Variants in THOC2 observed in about 807,000 individuals in gnomAD.
The protein encoded by THOC2 is THO complex subunit 2.
A neutral mutation model predicts 128.4 loss-of-function variants in THOC2; 10 were observed. The observed-to-expected ratio is 0.08, with a 90% CI of 0.05 to 0.13. The LOEUF (loss-of-function observed/expected upper bound fraction) is 0.13, where lower values mean the gene tolerates loss of function less well. Among genes scored for constraint, THOC2 ranks in the 10% least tolerant of loss-of-function variants. The pLI is 1.00. For synonymous variants in THOC2, 393 were observed against 396.9 expected, an observed-to-expected ratio of 0.99 and a Z score of 0.12; for missense variants, 535 against 1,155.7, an observed-to-expected ratio of 0.46 and a Z score of 7.79.
At chrX:123,732,518 G>C (rs1425814997) in intron 1 of THOC2, among the ~76,000 whole-genome samples, 1 of 112,222 alleles carries the variant, frequency 8.9e-6, no homozygotes, top group African/African-American at 3.2e-5. Flanking sequence ...GAGGCGCCAA[G>C]CTCCAAACTG....
rs984272905 is a variant in THOC2, at chrX:123,692,494, C to CTTTTTT, written c.601+3521_601+3526dup. On this transcript the variant is annotated intron_variant, in intron 7 of 38. Coordinates refer to ENST00000245838, the MANE Select transcript of THOC2 (RefSeq NM_001081550.2). ...GAATCTTTTAGGAGCAAATAACTGCCTTTTTTTTTTTTTTTTTTTTTTTTT... is the reference window on the plus strand; with the variant it reads ...GAATCTTTTAGGAGCAAATAACTGCCTTTTTTTTTTTTTTTTTTTTTTTTTTTTTTT... Among the ~76,000 whole-genome samples, 11 of 56,909 alleles carry CTTTTTT rather than the reference C, an allele frequency of 1.9e-4. 1 individual carries two copies. The highest frequency in any genetic ancestry group is 3.0e-4 in the Non-Finnish European group (10 of 33,617). 49.4% of individuals were successfully genotyped at this position (56,909 alleles called of 115,157 possible).
chrX:123,702,768 A>G (rs1388136342), intron 4 of THOC2, among the ~76,000 whole-genome samples: 1 of 108,590 alleles, frequency 9.2e-6, no homozygotes, highest in Non-Finnish European at 1.9e-5. Context: ...GTCTCAAAAA[A>G]GAGAAGAAAA....
At chrX:123,718,012 C>T (rs1452213069) in intron 1 of THOC2, among the ~76,000 whole-genome samples, 1 of 112,517 alleles carries the variant, frequency 8.9e-6, no homozygotes, top group Non-Finnish European at 1.9e-5. Context: ...TGCAGCCAAC[C>T]CACTAAATAT....
intron 12 of THOC2, among the ~76,000 whole-genome samples, chrX:123,658,257 AGAAT>A (rs953720367): frequency 2.7e-5 from 3 of 111,850 alleles, no homozygotes; most frequent in Non-Finnish European, 5.6e-5. Flanking sequence ...AAACTAAAAA[AGAAT>A]AAGAAAAATG....
At chrX:123,704,968 G>A (rs1354397410) in intron 3 of THOC2, among the ~76,000 whole-genome samples, 1 of 112,241 alleles carries the variant, frequency 8.9e-6, no homozygotes, top group East Asian at 2.8e-4. Flanking sequence ...CTCAATTTTA[G>A]GGCTATTTTC....
Position 123,654,313 on chromosome X carries a change from G to A in THOC2, c.1387-8938C>T, listed in dbSNP as rs763994673. On this transcript the variant is annotated intron_variant, in intron 12 of 38. Coordinates refer to ENST00000245838, the MANE Select transcript of THOC2 (RefSeq NM_001081550.2). ...GAGAAATACCTAATGTAGATGATGG[G>A]TTGATGGGTGCAGCAAACCACCATG... Among the ~76,000 whole-genome samples, 792 of 109,333 alleles carry A rather than the reference G, an allele frequency of 7.2e-3. 6 individuals are homozygous for A. Among genetic ancestry groups the A allele is most frequent in the Non-Finnish European group, 0.012 (625 of 52,595 alleles). 94.9% of individuals were successfully genotyped at this position (109,333 alleles called of 115,157 possible).
chrX:123,615,618 TAAG>T (rs1327625642), intron 33 of THOC2, among the ~76,000 whole-genome samples: 3 of 97,815 alleles, frequency 3.1e-5, no homozygotes, highest in African/African-American at 1.1e-4. Flanking sequence ...AAGACTTCTC[TAAG>T]TAGTAATTTT....
chrX:123,703,426 A>G, intron 4 of THOC2, 28 bp downstream of exon 4: 1 of 1,011,952 alleles, frequency 9.9e-7, no homozygotes, highest in Non-Finnish European at 1.4e-6. Context: ...ACAGCACATT[A>G]CAGGTGAAAT....
chrX:123,639,110 T>G (rs2047804387), intron 16 of THOC2, 83 bp from the exon 17 acceptor site: 1 of 397,291 alleles, frequency 2.5e-6, no homozygotes, highest in Non-Finnish European at 4.4e-6. Flanking sequence ...CTACACTTTC[T>G]ATTTTTCAAA....
Position 123,644,782 on chromosome X carries a change from T to C in THOC2, c.1556A>G (p.His519Arg). 2 of 1,198,663 alleles carry C rather than the reference T, an allele frequency of 1.7e-6. No individual in the cohort carries two copies. The highest frequency in any genetic ancestry group is 1.1e-6 in the Non-Finnish European group (1 of 886,672). Residue 519 changes from histidine to arginine, a missense_variant, in exon 14 of 39, where the codon CAT (histidine) becomes CGT (arginine). Physicochemically the swap from His to Arg is conservative, Grantham distance 29. Around this residue, in one of 9 missense-constraint regions of THOC2, gnomAD observed 197 missense variants for 313.4 expected, o/e 0.63. Coordinates refer to ENST00000245838, the MANE Select transcript of THOC2 (RefSeq NM_001081550.2). ...WGMFKTFPYQ[H>R]RYRLYGQWKN... ...CATGAAAATAATATGTATTTACCTA[T>C]GCTGATATGGAAATGTTTTAAACAT...
intron 8 of THOC2, 48 bp from the exon 9 acceptor site, chrX:123,671,809 T>A: frequency 1.3e-6 from 1 of 788,764 alleles, no homozygotes; most frequent in Non-Finnish European, 1.8e-6. Context: ...AAAGGACAAT[T>A]AAAGCAATAT....
intron 32 of THOC2, 187 bp downstream of exon 32, chrX:123,620,720 T>A: frequency 2.7e-6 from 1 of 374,507 alleles, no homozygotes. Context: ...TTAACATTTT[T>A]ATAATAAAAA....
chrX:123,656,571 A>G (rs775749574), intron 12 of THOC2, among the ~76,000 whole-genome samples: 2 of 110,533 alleles, frequency 1.8e-5, no homozygotes, highest in South Asian at 7.7e-4. Context: ...TTAGCCAGGC[A>G]TGGTGGCACG....
At chrX:123,695,043 T>C (rs773739786) in intron 7 of THOC2, among the ~76,000 whole-genome samples, 1 of 112,317 alleles carries the variant, frequency 8.9e-6, no homozygotes, top group African/African-American at 3.2e-5. Flanking sequence ...ATAGTAAATA[T>C]AGTTTTAATT....
chrX:123,635,655 A>G (rs1319516246), intron 19 of THOC2, among the ~76,000 whole-genome samples: 1 of 111,939 alleles, frequency 8.9e-6, no homozygotes, highest in Non-Finnish European at 1.9e-5. Flanking sequence ...TCAAATTCAA[A>G]AATTATGCTT....
intron 3 of THOC2, among the ~76,000 whole-genome samples, chrX:123,706,651 C>A (rs2050946903): frequency 9.2e-6 from 1 of 108,728 alleles, no homozygotes; most frequent in African/African-American, 3.3e-5. Flanking sequence ...TCCTGTCTGG[C>A]AAAAATGGGT....
At chrX:123,719,172 C>A (rs1339776137) in intron 1 of THOC2, among the ~76,000 whole-genome samples, 3 of 101,264 alleles carry the variant, frequency 3.0e-5, no homozygotes, top group East Asian at 6.1e-4. Context: ...AGCAAGACTT[C>A]GTCTCCCAAA....
intron 2 of THOC2, among the ~76,000 whole-genome samples, chrX:123,712,383 T>A (rs762338498): frequency 2.7e-5 from 3 of 112,211 alleles, no homozygotes; most frequent in Non-Finnish European, 5.6e-5. Context: ...ATATCTGTGA[T>A]ATGCAGTAAA....
intron 1 of THOC2, among the ~76,000 whole-genome samples, chrX:123,723,520 G>C (rs747372503): frequency 1.8e-5 from 2 of 110,675 alleles, no homozygotes; most frequent in Non-Finnish European, 3.8e-5. Context: ...AAAACTAGAC[G>C]CAACAAAAAT....
Sources: gnomAD v4.1 joint callset for allele counts (sites outside exome capture counted in the v4.1 genomes callset) on GRCh38, gnomAD v4.1.1 for gene constraint, gnomAD v4.1.1 regional missense constraint, MANE v1.5 for transcripts, NCBI Gene and HGNC (gene_info 2026-07-23, HGNC 2026-07-21) for gene names.